Variants in BTBD9 observed in about 807,000 individuals in gnomAD.
The protein encoded by BTBD9 is BTB domain containing 9, also known as BTB/POZ domain-containing protein 9.
A neutral mutation model predicts 64.3 loss-of-function variants in BTBD9; 49 were observed. The observed-to-expected ratio is 0.76, with a 90% confidence interval of 0.61 to 0.97. The LOEUF (loss-of-function observed/expected upper bound fraction) is 0.97. BTBD9 is among the 50% of genes least tolerant of loss of function. BTBD9 has a pLI of 0.00. For missense variants in BTBD9, 598 were observed against 762.1 expected (o/e 0.78, Z 2.53); for synonymous variants, 260 against 274.7 (o/e 0.95, Z 0.53).
rs1554150450 is a variant in BTBD9, at chr6:38,425,958, A to ACACACACACACAC, written c.1155-80866_1155-80865insGTGTGTGTGTGTG. Reference sequence around the variant, plus strand: ...CACACACACACACACACACACACACAAACAAAAGCAAGCCCAGACCAGAAG... The same window carrying ACACACACACACAC: ...CACACACACACACACACACACACACACACACACACACACAACAAAAGCAAGCCCAGACCAGAAG... On this transcript the variant is annotated intron_variant, in intron 6 of 10. Transcript: ENST00000481247. Among the ~76,000 whole-genome samples, 65 of 150,366 alleles carry ACACACACACACAC rather than the reference A, an allele frequency of 4.3e-4. No individual in the cohort carries two copies. The South Asian group carries it at 8.0e-3, about 18-fold the overall frequency.
intron 6 of BTBD9, among the ~76,000 whole-genome samples, chr6:38,494,282 T>C (rs1194120728): frequency 6.6e-6 from 1 of 152,234 alleles, no homozygotes; most frequent in Non-Finnish European, 1.5e-5. Context: ...ATATTTTCAA[T>C]ATCAAACCAT....
chr6:38,562,366 T>C (rs2748173), intron 6 of BTBD9, among the ~76,000 whole-genome samples: 43,531 of 152,072 alleles, frequency 0.29, 6,548 homozygotes, highest in African/African-American at 0.33. Flanking sequence ...GTCCACCAGG[T>C]ACCTTTATTT....
chr6:38,493,841 TAATTA>T (rs1343916784), intron 6 of BTBD9, among the ~76,000 whole-genome samples: 1 of 152,238 alleles, frequency 6.6e-6, no homozygotes, highest in African/African-American at 2.4e-5. Flanking sequence ...TTTTTAACTT[TAATTA>T]GTCACATTAA....
chr6:38,616,918 A>G (rs1354589128), intron 1 of BTBD9, among the ~76,000 whole-genome samples: 3 of 152,220 alleles, frequency 2.0e-5, no homozygotes, highest in African/African-American at 7.2e-5. Flanking sequence ...CAGTGAGACC[A>G]GGAACCCACC....
At chr6:38,271,651 T>C (rs1486516299) in intron 8 of BTBD9, among the ~76,000 whole-genome samples, 1 of 152,118 alleles carries the variant, frequency 6.6e-6, no homozygotes, top group South Asian at 2.1e-4. Flanking sequence ...CTACTACTTG[T>C]CCTTTTATGG....
intron 1 of BTBD9, among the ~76,000 whole-genome samples, chr6:38,624,706 G>T (rs1043838702): frequency 3.3e-5 from 5 of 151,158 alleles, no homozygotes; most frequent in African/African-American, 1.2e-4. Context: ...CTGTAAGACA[G>T]AAACAAAATA....
chr6:38,219,129 CTTTTTTT>C (rs5875622), intron 9 of BTBD9, among the ~76,000 whole-genome samples: 15 of 70,884 alleles, frequency 2.1e-4, no homozygotes, highest in African/African-American at 8.1e-4. Context: ...ACTTTCTTTT[CTTTTTTT>C]TTTTTTTTTT....
At chr6:38,214,584 G>A (rs1399989304) in intron 9 of BTBD9, among the ~76,000 whole-genome samples, 4 of 152,196 alleles carry the variant, frequency 2.6e-5, no homozygotes, top group Admixed American at 6.5e-5. Flanking sequence ...CCAGAAGAGC[G>A]AAAACAGGGA....
chr6:38,339,256 G>A lies in BTBD9; in HGVS notation c.1264+5728C>T, dbSNP rs993469059. 2.6e-5 allele frequency among the ~76,000 whole-genome samples: 4 copies of A among 152,140 alleles called. No homozygotes were observed. The East Asian group carries it at 5.8e-4, about 22-fold the overall frequency. The stretch of plus-strand genomic sequence containing the variant: ...TTTATTTAACATCAGTTAAATAAAC[G>A]ATGGTATATCTATACTAATGAGGAC... On this transcript the variant is annotated intron_variant, in intron 7 of 10. Coordinates refer to ENST00000481247, the MANE Select transcript of BTBD9 (RefSeq NM_001099272.2).
intron 6 of BTBD9, among the ~76,000 whole-genome samples, chr6:38,563,699 G>C (rs987964961): frequency 6.6e-6 from 1 of 151,010 alleles, no homozygotes; most frequent in African/African-American, 2.4e-5. Context: ...CCTTAAGCAA[G>C]CCAAGTTCTT....
At chr6:38,261,688 T>G (rs1372722290) in intron 8 of BTBD9, among the ~76,000 whole-genome samples, 2 of 152,338 alleles carry the variant, frequency 1.3e-5, no homozygotes, top group South Asian at 4.1e-4. Context: ...CTATCGATCT[T>G]TACCTCACTA....
chr6:38,243,713 A>C (rs933603049), intron 9 of BTBD9, among the ~76,000 whole-genome samples: 3 of 152,196 alleles, frequency 2.0e-5, no homozygotes, highest in African/African-American at 7.2e-5. Context: ...TGCTTTATGG[A>C]GAATGACAAT....
chr6:38,608,522 C>G (rs1198155149), intron 1 of BTBD9, among the ~76,000 whole-genome samples: 1 of 152,132 alleles, frequency 6.6e-6, no homozygotes, highest in Non-Finnish European at 1.5e-5. Flanking sequence ...ATAGCATGAA[C>G]TCCCATTAAA....
intron 6 of BTBD9, among the ~76,000 whole-genome samples, chr6:38,545,851 C>CACAT (rs1287291463): frequency 1.9e-5 from 2 of 106,258 alleles, no homozygotes; most frequent in Non-Finnish European, 3.8e-5. Flanking sequence ...CACACACACA[C>CACAT]ACATACACAC....
intron 6 of BTBD9, among the ~76,000 whole-genome samples, chr6:38,391,364 C>T (rs1410841248): frequency 6.6e-6 from 1 of 152,146 alleles, no homozygotes; most frequent in Non-Finnish European, 1.5e-5. Flanking sequence ...TCACAGTACC[C>T]ATTACATGAT....
At chr6:38,601,861 TA>T (rs1777253141) in intron 1 of BTBD9, among the ~76,000 whole-genome samples, 1 of 151,958 alleles carries the variant, frequency 6.6e-6, no homozygotes, top group Non-Finnish European at 1.5e-5. Flanking sequence ...CCACATAAAA[TA>T]ATTATATGAA....
chr6:38,556,558 A>T lies in BTBD9; in HGVS notation c.1154+21042T>A, dbSNP rs1288893743. On this transcript the variant is annotated intron_variant, in intron 6 of 10. Coordinates refer to ENST00000481247, the MANE Select transcript of BTBD9 (RefSeq NM_001099272.2). ...GTGTGTGTGTGTGTGTGTGAGAGAG[A>T]GAGAGAGAGAGAGAGAGATTTGATC... 2.0e-3 allele frequency among the ~76,000 whole-genome samples: 283 copies of T among 144,994 alleles called. 1 individual carries two copies. The highest frequency in any genetic ancestry group is 6.9e-3 in the African/African-American group (260 of 37,874).
intron 6 of BTBD9, among the ~76,000 whole-genome samples, chr6:38,548,159 C>T (rs972713205): frequency 6.6e-6 from 1 of 152,132 alleles, no homozygotes; most frequent in Non-Finnish European, 1.5e-5. Flanking sequence ...GTATACTATT[C>T]TCTAGAAACA....
chr6:38,419,597 G>A (rs1448354460), intron 6 of BTBD9, among the ~76,000 whole-genome samples: 1 of 152,170 alleles, frequency 6.6e-6, no homozygotes, highest in Non-Finnish European at 1.5e-5. Flanking sequence ...GGAGCTGGGT[G>A]CGGTGGCTCA....
Sources: gnomAD v4.1 joint callset for allele counts (sites outside exome capture counted in the v4.1 genomes callset) on GRCh38, gnomAD v4.1.1 for gene constraint, MANE v1.5 for transcripts, NCBI Gene and HGNC (gene_info 2026-07-23, HGNC 2026-07-21) for gene names.